Variants in WWOX observed in about 807,000 individuals in gnomAD.
The protein encoded by WWOX is WW domain containing oxidoreductase, also known as WW domain-containing oxidoreductase.
Under a neutral mutation model 46.2 loss-of-function variants are expected in WWOX, and 69 were observed. The observed-to-expected ratio is 1.49, with a 90% CI of 1.23 to 1.82. The LOEUF is 1.82. WWOX is among the 40% of genes most tolerant of loss of function. WWOX has a pLI of 0.00. For synonymous variants in WWOX, 359 were observed against 202.6 expected (o/e 1.77, Z -6.56); for missense variants, 919 against 542.6 (o/e 1.69, Z -6.89).
At chr16:79,103,697 T>A (rs1392233305) in intron 8 of WWOX, among the ~76,000 whole-genome samples, 2 of 152,206 alleles carry the variant, frequency 1.3e-5, no homozygotes, top group East Asian at 3.9e-4. Context: ...TCATAAAGGG[T>A]TTTAAACATT....
intron 6 of WWOX, among the ~76,000 whole-genome samples, chr16:78,399,132 G>A (rs1213130244): frequency 6.6e-6 from 1 of 152,122 alleles, no homozygotes; most frequent in Non-Finnish European, 1.5e-5. Context: ...CAAGGAAGGG[G>A]ATGGGTGGCT....
chr16:78,195,821 CA>C (rs148609646), intron 5 of WWOX, among the ~76,000 whole-genome samples: 5,728 of 75,832 alleles, frequency 0.076, 59 homozygotes, highest in African/African-American at 0.14. Flanking sequence ...GACTCTGCCT[CA>C]AAAAAAAAAA....
chr16:78,644,080 G>C (rs1046849414), intron 8 of WWOX, among the ~76,000 whole-genome samples: 8 of 152,096 alleles, frequency 5.3e-5, no homozygotes, highest in Non-Finnish European at 1.2e-4. Context: ...AAATTAGCCA[G>C]ACATGGTGGT....
At chr16:79,118,243 A>T (rs2049558041) in intron 8 of WWOX, among the ~76,000 whole-genome samples, 1 of 152,226 alleles carries the variant, frequency 6.6e-6, no homozygotes, top group African/African-American at 2.4e-5. Flanking sequence ...AGGGAGGCCC[A>T]AGGAGGGGGA....
rs571627626 is a variant in WWOX at position 79,131,165 on chromosome 16, C to A, written c.1057-80443C>A. The stretch of plus-strand genomic sequence containing the variant: ...GCCTTCCTTCCCAAGCAGGGATGAG[C>A]TCTCCTCTGCATGTAACAAGCAAGG... On this transcript the variant is annotated intron_variant, in intron 8 of 8. Transcript: ENST00000566780. Among the ~76,000 whole-genome samples, 51 of 152,276 alleles carry A rather than the reference C, an allele frequency of 3.3e-4. No individual in the cohort carries two copies. The South Asian group carries it at 3.5e-3, about 11-fold the overall frequency.
chr16:79,021,678 C>T (rs1388216782), intron 8 of WWOX, among the ~76,000 whole-genome samples: 1 of 152,150 alleles, frequency 6.6e-6, no homozygotes, highest in East Asian at 1.9e-4. Context: ...CACACGATCG[C>T]AGTGCATTGC....
At chr16:78,687,224 A>G (rs2047883188) in intron 8 of WWOX, among the ~76,000 whole-genome samples, 2 of 152,216 alleles carry the variant, frequency 1.3e-5, no homozygotes, top group Non-Finnish European at 2.9e-5. Flanking sequence ...AGTAAATCCA[A>G]GTTGCTTTAA....
At chr16:78,598,886 C>G (rs777249494) in intron 8 of WWOX, among the ~76,000 whole-genome samples, 4 of 152,148 alleles carry the variant, frequency 2.6e-5, no homozygotes, top group Admixed American at 2.0e-4. Context: ...TGGCACTGTT[C>G]TAAACACATG....
intron 6 of WWOX, among the ~76,000 whole-genome samples, chr16:78,420,143 G>A (rs1384299165): frequency 1.3e-5 from 2 of 152,112 alleles, no homozygotes; most frequent in Non-Finnish European, 2.9e-5. Flanking sequence ...ATGGAGAGAT[G>A]AAAGTTCAAA....
intron 8 of WWOX, among the ~76,000 whole-genome samples, chr16:79,003,048 C>T (rs1051892640): frequency 6.6e-6 from 1 of 152,194 alleles, no homozygotes; most frequent in African/African-American, 2.4e-5. Context: ...CCTCACAGCA[C>T]ATTTCAGGAG....
chr16:78,835,391 G>A (rs567031830), intron 8 of WWOX, among the ~76,000 whole-genome samples: 1 of 152,300 alleles, frequency 6.6e-6, no homozygotes, highest in South Asian at 2.1e-4. Flanking sequence ...TCCTCTTAAA[G>A]GGGCCAGCAA....
chr16:78,967,969 A>T (rs898871023), intron 8 of WWOX, among the ~76,000 whole-genome samples: 6 of 152,192 alleles, frequency 3.9e-5, no homozygotes, highest in African/African-American at 1.4e-4. Context: ...CTTCTCATTT[A>T]GCCCATACCC....
At chr16:78,538,361 G>A (rs753731547) in intron 8 of WWOX, among the ~76,000 whole-genome samples, 14 of 151,914 alleles carry the variant, frequency 9.2e-5, no homozygotes, top group African/African-American at 1.2e-4. Context: ...ATACATTGAC[G>A]TTTGTTTAAT....
At chr16:78,793,830 C>T (rs560087319) in intron 8 of WWOX, among the ~76,000 whole-genome samples, 10 of 151,732 alleles carry the variant, frequency 6.6e-5, no homozygotes, top group South Asian at 2.1e-4. Context: ...AATCCCAGCA[C>T]GTTGGGAGGC....
chr16:78,787,404 A>C (rs1194067881), intron 8 of WWOX, among the ~76,000 whole-genome samples: 1 of 152,194 alleles, frequency 6.6e-6, no homozygotes, highest in Non-Finnish European at 1.5e-5. Flanking sequence ...TATCTCATAT[A>C]AATGGAATCA....
chr16:78,404,766 G>A (rs576002887), intron 6 of WWOX, among the ~76,000 whole-genome samples: 1 of 152,210 alleles, frequency 6.6e-6, no homozygotes, highest in East Asian at 1.9e-4. Context: ...TTCCCGACCA[G>A]CCCCCATCCT....
chr16:79,044,509 C>G (rs927006329), intron 8 of WWOX, among the ~76,000 whole-genome samples: 2 of 152,148 alleles, frequency 1.3e-5, no homozygotes, highest in African/African-American at 4.8e-5. Flanking sequence ...TTGCTCCTGC[C>G]CTGGCCACAT....
rs186319847 is a variant in WWOX at position 78,160,469 on chromosome 16, C to T, written c.410-3714C>T. Among the ~76,000 whole-genome samples the T allele has an allele frequency of 3.2e-4, 48 of 152,228 alleles. No individual in the cohort carries two copies. The East Asian group carries it at 7.7e-3, about 24-fold the overall frequency. ...TTAAGGCTATAGATTTTCTTTTAAC[C>T]ATGGCTTTAGCTATACTCCTTAAGT... On this transcript the variant is annotated intron_variant, in intron 4 of 8. Transcript: ENST00000566780.
chr16:78,147,697 A>T (rs71386265), intron 4 of WWOX, among the ~76,000 whole-genome samples: 24,412 of 57,774 alleles, frequency 0.42, 2,943 homozygotes, highest in Non-Finnish European at 0.47. Context: ...TTTTTTTTTT[A>T]AAAAAAAAAA....
Sources: gnomAD v4.1 joint callset for allele counts (sites outside exome capture counted in the v4.1 genomes callset) on GRCh38, gnomAD v4.1.1 for gene constraint, MANE v1.5 for transcripts, NCBI Gene and HGNC (gene_info 2026-07-23, HGNC 2026-07-21) for gene names.